ATAT1: variants seen among roughly 807,000 people sequenced by gnomAD.
The protein encoded by ATAT1 is alpha-tubulin N-acetyltransferase 1.
A neutral mutation model predicts 57.2 loss-of-function variants in ATAT1; 42 were observed. The ratio of observed to expected loss-of-function variants is 0.73; its 90% CI spans 0.57 to 0.95. ATAT1 has a LOEUF of 0.95. Ranked by LOEUF, ATAT1 falls within the 40% of genes least tolerant of loss-of-function variation. ATAT1 has a pLI of 0.00. For synonymous variants in ATAT1, 168 were observed against 187.1 expected (o/e 0.90, Z 0.83); for missense variants, 454 against 523.7 (o/e 0.87, Z 1.30).
At chr6:30,634,666 A>G (rs1160365482) in intron 6 of ATAT1, among the ~76,000 whole-genome samples, 5 of 145,518 alleles carry the variant, frequency 3.4e-5, no homozygotes, top group African/African-American at 1.3e-4. Flanking sequence ...AAAGGAGGAA[A>G]AAAAAAAAAA....
At position 30,642,830 on chromosome 6, in the gene ATAT1, C is replaced by CCCGGGGGGGGCG; in HGVS notation, c.752_753insCGGGGGGGGCGC (p.Pro251_Ala252insGlyGlyGlyAla). 6.3e-7 allele frequency: 1 copy of CCCGGGGGGGGCG among 1,595,550 alleles called. No individual in the cohort carries two copies. Among genetic ancestry groups the CCCGGGGGGGGCG allele is most frequent in the African/African-American group, 1.4e-5 (1 of 72,746 alleles). On this transcript the variant is annotated inframe_insertion, in exon 10 of 13. Transcript: ENST00000330083. ...CAGGGCCCCTCGCCGCGCCACACCT[C>CCCGGGGGGGGCG]CAGCCCACCCACCCCCCCGCTCCAG...
In ATAT1 at chr6:30,646,509, G is replaced by A. The variant is rs1295321945; in HGVS notation, c.1096G>A (p.Gly366Arg). ...GCAGGCCTTGTCACAGGATGGGTCTGGGGAGAAGCCCATGCACACAGCTCC... is the reference window on the plus strand; with the variant it reads ...GCAGGCCTTGTCACAGGATGGGTCTAGGGAGAAGCCCATGCACACAGCTCC... Residue 366 changes from glycine to arginine, a missense_variant, in exon 13 of 13, where the codon GGG (glycine) becomes AGG (arginine). Coordinates refer to ENST00000330083, the MANE Select transcript of ATAT1 (RefSeq NM_001031722.4). 1 of 1,598,420 alleles carries A rather than the reference G, an allele frequency of 6.3e-7. No individual in the cohort carries two copies. Among genetic ancestry groups the A allele is most frequent in the Non-Finnish European group, 8.5e-7 (1 of 1,172,990 alleles).
At chr6:30,627,955 G>A (rs1345208034) in intron 4 of ATAT1, 44 bp downstream of exon 4, 1 of 1,610,454 alleles carries the variant, frequency 6.2e-7, no homozygotes. Context: ...CTTGGTTTCT[G>A]AGAACAAAAG....
At chr6:30,640,276 T>G in intron 6 of ATAT1, 101 bp from the exon 7 acceptor site, 2 of 1,290,314 alleles carry the variant, frequency 1.6e-6, no homozygotes, top group Non-Finnish European at 2.2e-6. Flanking sequence ...AAGTACACTC[T>G]GTGATGTTCA....
chr6:30,633,716 G>A, intron 6 of ATAT1: 1 of 213,296 alleles, frequency 4.7e-6, no homozygotes. Flanking sequence ...GAAAGTGGAA[G>A]AGACGCCCAT....
chr6:30,630,939 G>C, intron 6 of ATAT1, among the ~76,000 whole-genome samples: 1 of 150,302 alleles, frequency 6.7e-6, no homozygotes, highest in East Asian at 2.0e-4. Flanking sequence ...CTCTTGTCTC[G>C]GAACAAAAAA....
chr6:30,636,411 C>T (rs986716306), intron 6 of ATAT1, among the ~76,000 whole-genome samples: 5 of 151,908 alleles, frequency 3.3e-5, no homozygotes, highest in East Asian at 1.9e-4. Context: ...GGTAAAACCC[C>T]GTCTCTACTA....
chr6:30,646,631 C>G lies in ATAT1; in HGVS notation c.1218C>G (p.Thr406=). 5 of 1,563,718 alleles carry G rather than the reference C, an allele frequency of 3.2e-6. No individual in the cohort carries two copies. Among genetic ancestry groups the G allele is most frequent in the Non-Finnish European group, 4.3e-6 (5 of 1,154,048 alleles). ...GAAACCTGCAGGAACGTCGCAGCAC[C>G]AGGCCTTGGTGACCGCAGCCCCGTC... The change falls in exon 13 of 13, where the codon ACC becomes ACG. Residue 406 remains threonine, a synonymous_variant. Coordinates refer to ENST00000330083, the MANE Select transcript of ATAT1 (RefSeq NM_001031722.4).
chr6:30,640,505 T>C (rs1243198310), intron 7 of ATAT1, 30 bp from the exon 8 acceptor site: 2 of 1,612,276 alleles, frequency 1.2e-6, no homozygotes, highest in Non-Finnish European at 1.7e-6. Context: ...GACCCCTCAC[T>C]GAGGGGCCCC....
At chr6:30,628,261 G>T (rs371181117) in intron 5 of ATAT1, 68 bp from the exon 6 acceptor site, 2 of 1,556,050 alleles carry the variant, frequency 1.3e-6, no homozygotes, top group East Asian at 2.2e-5. Flanking sequence ...CCCTTCCCAG[G>T]CTTCTGGCTT....
chr6:30,646,088 G>A lies in ATAT1; in HGVS notation c.1034G>A (p.Gly345Glu), dbSNP rs1239264650. 1 of 1,610,484 alleles carries A rather than the reference G, an allele frequency of 6.2e-7. No individual in the cohort carries two copies. The highest frequency in any genetic ancestry group is 1.3e-5 in the African/African-American group (1 of 74,882). The change falls in exon 12 of 13, where the codon GGA (glycine) becomes GAA (glutamate). Residue 345 changes from glycine (G) to glutamate (E), a missense_variant. Gly to Glu is a moderately conservative substitution (Grantham distance 98). This residue lies in a region of ATAT1 where 216 missense variants were observed against 222.2 expected (regional missense o/e 0.97). Transcript: ENST00000330083. ...ACAGGCAACCAAGACTCCAAGCAGG[G>A]AGAACAGGAAACAAAGAATAGGTGA... is the stretch of plus-strand genomic sequence containing the variant.
chr6:30,642,631 A>G (rs1297266552), intron 9 of ATAT1, 137 bp from the exon 10 acceptor site: 1 of 673,874 alleles, frequency 1.5e-6, no homozygotes, highest in African/African-American at 1.8e-5. Flanking sequence ...TGACAGAGTG[A>G]GACTCCGTCT....
At chr6:30,627,551 G>A in intron 2 of ATAT1, 31 bp downstream of exon 2, 1 of 1,608,460 alleles carries the variant, frequency 6.2e-7, no homozygotes, top group Non-Finnish European at 8.5e-7. Context: ...GGAGTAAAGG[G>A]AGGACCTCTG....
chr6:30,644,766 A>G (rs1371814301), intron 10 of ATAT1: 8 of 496,358 alleles, frequency 1.6e-5, no homozygotes, highest in Non-Finnish European at 1.8e-5. Context: ...TGAGATCTGC[A>G]CATCTTTTAC....
chr6:30,630,107 A>G (rs969995760), intron 6 of ATAT1, among the ~76,000 whole-genome samples: 3 of 152,140 alleles, frequency 2.0e-5, no homozygotes, highest in Non-Finnish European at 2.9e-5. Context: ...GGTTTACTCA[A>G]TGAAACAGAC....
intron 6 of ATAT1, among the ~76,000 whole-genome samples, chr6:30,639,479 CTTTTT>C (rs979708714): frequency 7.2e-6 from 1 of 139,526 alleles, no homozygotes; most frequent in Middle Eastern, 3.4e-3. Context: ...CACTTTCTTT[CTTTTT>C]TTTTTTTTTT....
intron 1 of ATAT1, 116 bp from the exon 2 acceptor site, chr6:30,627,344 A>T: frequency 6.2e-7 from 1 of 1,608,290 alleles, no homozygotes; most frequent in Non-Finnish European, 8.5e-7. Flanking sequence ...AGGCAAAGGC[A>T]GGGAGCCTTC....
chr6:30,640,492 G>A, intron 7 of ATAT1, 43 bp from the exon 8 acceptor site: 2 of 1,612,554 alleles, frequency 1.2e-6, no homozygotes, highest in Non-Finnish European at 1.7e-6. Flanking sequence ...TCTTGGTCCT[G>A]CCGACCCCTC....
At chr6:30,632,940 CA>C (rs9257002) in intron 6 of ATAT1, among the ~76,000 whole-genome samples, 40,474 of 127,074 alleles carry the variant, frequency 0.32, 5,756 homozygotes, top group Non-Finnish European at 0.39. Context: ...GACCCCATAT[CA>C]AAAAAAAAAA....
Sources: allele counts gnomAD v4.1 joint callset (sites outside exome capture counted in the v4.1 genomes callset), GRCh38; gene constraint gnomAD v4.1.1; regional missense constraint gnomAD v4.1.1; transcripts MANE v1.5; gene names NCBI Gene and HGNC (gene_info 2026-07-23, HGNC 2026-07-21).